The following MAP3K7CL variants were observed in gnomAD, a reference collection of about 807,000 sequenced individuals.
The protein encoded by MAP3K7CL is MAP3K7 C-terminal like, also known as MAP3K7 C-terminal-like protein.
MAP3K7CL carries 16 observed loss-of-function variants against 18.6 expected under a neutral mutation model. The observed-to-expected ratio is 0.86, with a 90% CI of 0.58 to 1.31. MAP3K7CL has a LOEUF of 1.31. Among genes scored for constraint, MAP3K7CL ranks in the 50% most tolerant of loss-of-function variants. The pLI, the probability that MAP3K7CL is intolerant of heterozygous loss-of-function variation, is 0.00. For missense variants in MAP3K7CL, 163 were observed against 174.4 expected (o/e 0.93, Z 0.37); for synonymous variants, 65 against 66.8 (o/e 0.97, Z 0.13).
intron 4 of MAP3K7CL, among the ~76,000 whole-genome samples, chr21:29,107,087 G>A (rs1258729932): frequency 1.3e-5 from 2 of 152,144 alleles, no homozygotes; most frequent in Non-Finnish European, 2.9e-5. Flanking sequence ...GGAGGCCGAG[G>A]CGGGTGGATC....
intron 4 of MAP3K7CL, 64 bp from the exon 5 acceptor site, chr21:29,174,648 G>C (rs2087922131): frequency 6.4e-7 from 1 of 1,566,112 alleles, no homozygotes; most frequent in Admixed American, 1.7e-5. Context: ...TGCTATTACT[G>C]AATAATTTAA....
upstream of MAP3K7CL, chr21:29,077,434 G>A (rs2085767196): frequency 1.3e-5 from 2 of 153,212 alleles, no homozygotes; most frequent in African/African-American, 2.4e-5. Context: ...CGGGGCCCAC[G>A]CCCACCCGGA....
chr21:29,091,494 A>G, intron 1 of MAP3K7CL: 1 of 670,548 alleles, frequency 1.5e-6, no homozygotes, highest in Admixed American at 2.4e-5. Flanking sequence ...TTATTTTTTC[A>G]ATACAGCCCC....
chr21:29,130,068 A>G (rs948873397), upstream of MAP3K7CL, among the ~76,000 whole-genome samples: 2 of 152,146 alleles, frequency 1.3e-5, no homozygotes, highest in African/African-American at 4.8e-5. Context: ...ATCATCTGAT[A>G]TGTATTTTGC....
At chr21:29,080,086 CTT>C (rs1401779244) in intron 1 of MAP3K7CL, among the ~76,000 whole-genome samples, 3 of 152,096 alleles carry the variant, frequency 2.0e-5, no homozygotes, top group Non-Finnish European at 4.4e-5. Context: ...TTTCAGGTGA[CTT>C]GAGAGAGAAG....
chr21:29,093,015 T>A (rs1272540125), intron 4 of MAP3K7CL, among the ~76,000 whole-genome samples: 1 of 152,228 alleles, frequency 6.6e-6, no homozygotes, highest in Non-Finnish European at 1.5e-5. Flanking sequence ...GCGATTCTCC[T>A]GCTTCAGCCT....
intron 4 of MAP3K7CL, chr21:29,092,635 A>G (rs2086049695): frequency 6.2e-7 from 1 of 1,601,642 alleles, no homozygotes; most frequent in East Asian, 2.2e-5. Context: ...CTTTTTACAC[A>G]CTGCACCATG....
At chr21:29,156,147 A>AT (rs1156502533) in intron 3 of MAP3K7CL, among the ~76,000 whole-genome samples, 2 of 152,126 alleles carry the variant, frequency 1.3e-5, no homozygotes, top group African/African-American at 4.8e-5. Context: ...TAACAAGGGA[A>AT]TTTTTTTCCT....
At chr21:29,080,691 C>T (rs952514410) in intron 1 of MAP3K7CL, 7 of 152,116 alleles carry the variant, frequency 4.6e-5, no homozygotes, top group African/African-American at 1.2e-4. Flanking sequence ...GCTGATCATT[C>T]GTAGTGTAGC....
At chr21:29,138,033 A>G (rs181510250) in intron 2 of MAP3K7CL, among the ~76,000 whole-genome samples, 5 of 152,320 alleles carry the variant, frequency 3.3e-5, no homozygotes, top group Admixed American at 6.5e-5. Flanking sequence ...AAGGGTTGAA[A>G]GGACTTGGTG....
intron 3 of MAP3K7CL, among the ~76,000 whole-genome samples, chr21:29,154,354 CTTTTCA>C (rs2087348915): frequency 6.6e-6 from 1 of 150,554 alleles, no homozygotes; most frequent in Admixed American, 6.6e-5. Flanking sequence ...ATGCCCTCTT[CTTTTCA>C]TTAAGCCAAG....
upstream of MAP3K7CL, among the ~76,000 whole-genome samples, chr21:29,082,584 G>A (rs991942647): frequency 1.4e-4 from 22 of 152,186 alleles, no homozygotes; most frequent in Non-Finnish European, 4.4e-5. Context: ...GAAAGTAGAG[G>A]GTGCCAAGGG....
At chr21:29,153,366 A>T (rs143159739) in intron 3 of MAP3K7CL, among the ~76,000 whole-genome samples, 1 of 152,168 alleles carries the variant, frequency 6.6e-6, no homozygotes, top group Non-Finnish European at 1.5e-5. Context: ...ATTTGAGTAG[A>T]GCTAGTGTAG....
At chr21:29,103,997 T>C (rs2086277952) in intron 4 of MAP3K7CL, among the ~76,000 whole-genome samples, 1 of 152,142 alleles carries the variant, frequency 6.6e-6, no homozygotes, top group Non-Finnish European at 1.5e-5. Flanking sequence ...AGATACCTAA[T>C]ATGGAGGAAA....
chr21:29,172,923 T>C (rs540301165), intron 4 of MAP3K7CL, among the ~76,000 whole-genome samples: 20 of 150,880 alleles, frequency 1.3e-4, no homozygotes, highest in African/African-American at 4.9e-4. Flanking sequence ...GGAATATATG[T>C]ATTTTCCTTT....
chr21:29,123,260 C>T (rs1333707306), intron 4 of MAP3K7CL, among the ~76,000 whole-genome samples: 1 of 152,076 alleles, frequency 6.6e-6, no homozygotes, highest in Non-Finnish European at 1.5e-5. Flanking sequence ...CATGAGGTTT[C>T]ACCATGTTGG....
intron 4 of MAP3K7CL, chr21:29,102,739 GA>G (rs973462103): frequency 6.6e-6 from 1 of 152,108 alleles, no homozygotes; most frequent in Non-Finnish European, 1.5e-5. Flanking sequence ...AATAAAATAT[GA>G]CGGAATATGT....
chr21:29,126,519 T>C (rs1487354933), upstream of MAP3K7CL, among the ~76,000 whole-genome samples: 1 of 152,254 alleles, frequency 6.6e-6, no homozygotes, highest in East Asian at 1.9e-4. Context: ...AGTACAATGG[T>C]GTGGTCTTGG....
chr21:29,142,375 C>T (rs892567395), intron 2 of MAP3K7CL, among the ~76,000 whole-genome samples: 2 of 152,156 alleles, frequency 1.3e-5, no homozygotes, highest in Non-Finnish European at 2.9e-5. Context: ...ACAGAAGATT[C>T]TTAAATTCAG....
Sources: gnomAD v4.1 joint callset for allele counts (sites outside exome capture counted in the v4.1 genomes callset) on GRCh38, gnomAD v4.1.1 for gene constraint, MANE v1.5 for transcripts, NCBI Gene and HGNC (gene_info 2026-07-23, HGNC 2026-07-21) for gene names.